Variants in CALD1 observed in about 807,000 individuals in gnomAD.
CALD1 encodes caldesmon 1.
CALD1 carries 33 observed loss-of-function variants against 99.9 expected under a neutral mutation model. That is an observed-to-expected ratio of 0.33 (90% confidence interval 0.25 to 0.44). The LOEUF (loss-of-function observed/expected upper bound fraction) is 0.44, where lower values mean the gene tolerates loss of function less well. Ranked by LOEUF, CALD1 falls within the 20% of genes least tolerant of loss-of-function variation. CALD1 has a pLI of 1.00. For synonymous variants in CALD1, 310 were observed against 325.0 expected (o/e 0.95, Z 0.50); for missense variants, 861 against 962.1 (o/e 0.89, Z 1.39).
intron 9 of CALD1, among the ~76,000 whole-genome samples, chr7:134,956,942 T>C (rs911194539): frequency 1.3e-5 from 2 of 152,170 alleles, no homozygotes; most frequent in African/African-American, 4.8e-5. Flanking sequence ...ACAGTTTCAG[T>C]AAAATATAAT....
upstream of CALD1, among the ~76,000 whole-genome samples, chr7:134,774,884 A>G (rs921240325): frequency 6.6e-6 from 1 of 152,008 alleles, no homozygotes; most frequent in Non-Finnish European, 1.5e-5. Flanking sequence ...TGATTTTTTT[A>G]TTGCTTTACT....
chr7:134,874,534 C>T (rs1801256767), intron 3 of CALD1, among the ~76,000 whole-genome samples: 1 of 152,188 alleles, frequency 6.6e-6, no homozygotes, highest in South Asian at 2.1e-4. Context: ...AGCAGACATA[C>T]TTGGCCGACA....
upstream of CALD1, among the ~76,000 whole-genome samples, chr7:134,779,178 C>G (rs182206101): frequency 4.6e-5 from 7 of 152,166 alleles, no homozygotes; most frequent in African/African-American, 1.7e-4. Flanking sequence ...CCCACCCCCA[C>G]GCCCAATAAA....
intron 2 of CALD1, among the ~76,000 whole-genome samples, chr7:134,849,653 T>C (rs987665674): frequency 6.6e-6 from 1 of 152,182 alleles, no homozygotes. Flanking sequence ...ATTGAATCTA[T>C]GGATGCAGAA....
At chr7:134,919,316 G>A (rs898964862) in intron 3 of CALD1, among the ~76,000 whole-genome samples, 6 of 152,150 alleles carry the variant, frequency 3.9e-5, no homozygotes, top group African/African-American at 1.2e-4. Context: ...TGATCTATTT[G>A]TTGGACAGGA....
chr7:134,791,308 C>T (rs1409792002), intron 1 of CALD1, among the ~76,000 whole-genome samples: 1 of 152,194 alleles, frequency 6.6e-6, no homozygotes, highest in East Asian at 1.9e-4. Context: ...GCGATTCTTT[C>T]ACCTCAGCCT....
chr7:134,725,834 G>A, the CALD1 span, among the ~76,000 whole-genome samples: 2 of 152,142 alleles, frequency 1.3e-5, no homozygotes, highest in Admixed American at 6.5e-5. Flanking sequence ...TTAGATGTAC[G>A]CAGAGGAGAA....
chr7:134,949,531 G>A (rs1352517704), intron 8 of CALD1, among the ~76,000 whole-genome samples: 1 of 152,116 alleles, frequency 6.6e-6, no homozygotes, highest in East Asian at 1.9e-4. Context: ...AGCATTTCAG[G>A]TTTGTCAAAC....
intron 3 of CALD1, among the ~76,000 whole-genome samples, chr7:134,892,283 G>C (rs1370000691): frequency 6.6e-6 from 1 of 152,146 alleles, no homozygotes; most frequent in Non-Finnish European, 1.5e-5. Context: ...TCTTTCAATA[G>C]GCAGGGAAAC....
At chr7:134,749,534 G>T (rs764232957) in intron 1 of CALD1, among the ~76,000 whole-genome samples, 2 of 152,160 alleles carry the variant, frequency 1.3e-5, no homozygotes, top group Admixed American at 1.3e-4. Context: ...CAGGAGAATC[G>T]CTTGAACCCA....
In CALD1 at chr7:134,933,747, G is replaced by A. The variant is rs1424953412; in HGVS notation, c.978G>A (p.Glu326=). The change falls in exon 5 of 15, where the codon GAG becomes GAA. Residue 326 remains glutamate (E), a synonymous_variant. Coordinates refer to ENST00000361675, the MANE Select transcript of CALD1 (RefSeq NM_033138.4). ...RMREEEKRAA[E]ERQRIKEEEK... ...GGGAGGAAGAGAAAAGGGCAGCAGA[G>A]GAGAGGCAGAGGATAAAGGAGGAAG... 6.4e-7 allele frequency: 1 copy of A among 1,553,014 alleles called. No individual in the cohort carries two copies. Among genetic ancestry groups the A allele is most frequent in the Non-Finnish European group, 8.7e-7 (1 of 1,148,628 alleles).
chr7:134,848,868 C>T (rs913001480), intron 2 of CALD1, among the ~76,000 whole-genome samples: 1 of 152,146 alleles, frequency 6.6e-6, no homozygotes, highest in African/African-American at 2.4e-5. Flanking sequence ...ATGAGGGAAG[C>T]CTGTGACCAC....
chr7:134,859,711 T>C (rs1800479662), intron 2 of CALD1, among the ~76,000 whole-genome samples: 1 of 152,212 alleles, frequency 6.6e-6, no homozygotes, highest in South Asian at 2.1e-4. Context: ...GATCAAATAA[T>C]GATAACCATA....
intron 4 of CALD1, among the ~76,000 whole-genome samples, 157 bp downstream of exon 4, chr7:134,929,057 G>T (rs1486480336): frequency 2.0e-5 from 3 of 152,126 alleles, no homozygotes; most frequent in African/African-American, 7.2e-5. Flanking sequence ...CAACTAATCT[G>T]ATTAGACAGG....
intron 11 of CALD1, among the ~76,000 whole-genome samples, chr7:134,958,828 TAATGAAAAGG>T (rs1807987670): frequency 6.7e-6 from 1 of 149,040 alleles, no homozygotes; most frequent in Non-Finnish European, 1.5e-5. Context: ...GAATATTGTT[TAATGAAAAGG>T]TTTTTTTGTA....
rs967084851 is a variant in CALD1, at chr7:134,970,640, A to C, written c.*2295A>C. The C allele has an allele frequency of 2.6e-5, 4 of 152,568 alleles. No homozygotes were observed. Among genetic ancestry groups the C allele is most frequent in the African/African-American group, 9.7e-5 (4 of 41,442 alleles). 9.5% of individuals were successfully genotyped at this position (152,568 alleles called of 1,614,324 possible). A position where few individuals can be genotyped will look rare whatever the true frequency, so the allele number is the denominator to read the frequency against. The stretch of plus-strand genomic sequence containing the variant: ...CAATAAATGGAATTCCTTCCTGCAA[A>C]ATGTCTTTTTCTCACTTATTTTTAT... On this transcript the variant is annotated 3_prime_UTR_variant, in exon 15 of 15. Coordinates refer to ENST00000361675, the MANE Select transcript of CALD1 (RefSeq NM_033138.4).
chr7:134,744,143 C>T (rs1020040150), upstream of CALD1: 3 of 152,208 alleles, frequency 2.0e-5, no homozygotes, highest in Non-Finnish European at 4.4e-5. Context: ...AATGGTAAAC[C>T]TTCTCTAGTA....
chr7:134,935,746 C>A lies in CALD1; in HGVS notation c.1367C>A (p.Pro456His), dbSNP rs1292673337. 1.9e-6 allele frequency: 3 copies of A among 1,595,064 alleles called. No individual in the cohort carries two copies. Among genetic ancestry groups the A allele is most frequent in the Non-Finnish European group, 2.6e-6 (3 of 1,172,912 alleles). The change falls in exon 6 of 15, where the codon CCT (proline) becomes CAT (histidine). Residue 456 changes from proline to histidine, a missense_variant. Coordinates refer to ENST00000361675, the MANE Select transcript of CALD1 (RefSeq NM_033138.4). ...AKREKLQEDKPTFKKEEIKDE... is the reference protein window; with the variant it reads ...AKREKLQEDKHTFKKEEIKDE... ...AGAGAAAAGCTCCAAGAAGACAAGCCTACCTTCAAAAAAGAAGAGGTAAAT... is the reference window on the plus strand; with the variant it reads ...AGAGAAAAGCTCCAAGAAGACAAGCATACCTTCAAAAAAGAAGAGGTAAAT...
intron 3 of CALD1, among the ~76,000 whole-genome samples, chr7:134,874,661 C>A (rs1025815252): frequency 1.3e-5 from 2 of 152,130 alleles, no homozygotes; most frequent in Non-Finnish European, 2.9e-5. Context: ...AAGAAAGGCC[C>A]CTATTGTAGA....
Sources: allele counts gnomAD v4.1 joint callset (sites outside exome capture counted in the v4.1 genomes callset), GRCh38; gene constraint gnomAD v4.1.1; transcripts MANE v1.5; gene names NCBI Gene and HGNC (gene_info 2026-07-23, HGNC 2026-07-21).